The following URGCP variants were observed in gnomAD, a reference collection of about 807,000 sequenced individuals.
URGCP encodes up-regulator of cell proliferation.
A neutral mutation model predicts 24.6 loss-of-function variants in URGCP; 13 were observed. The ratio of observed to expected loss-of-function variants is 0.53; its 90% CI spans 0.34 to 0.84. The LOEUF is 0.84. URGCP is among the 40% of genes least tolerant of loss of function. The pLI, the probability that URGCP is intolerant of heterozygous loss-of-function variation, is 0.01. For missense variants in URGCP, 899 were observed against 1,194.3 expected (o/e 0.75, Z 3.64); for synonymous variants, 444 against 487.2 (o/e 0.91, Z 1.17).
intron 1 of URGCP, among the ~76,000 whole-genome samples, chr7:43,923,612 G>A (rs1016188165): frequency 1.3e-5 from 2 of 151,992 alleles, no homozygotes; most frequent in Admixed American, 1.3e-4. Context: ...TGTGCTTATT[G>A]TCCAGTTGAG....
rs751105526 is a variant in URGCP at position 43,881,632 on chromosome 7, G to A, written c.202+27C>T. The A allele has an allele frequency of 1.9e-6, 3 of 1,614,078 alleles. No individual in the cohort carries two copies. In the South Asian group the frequency reaches 3.3e-5, roughly 18 times the overall value. On this transcript the variant is annotated intron_variant, in intron 5 of 5. Transcript: ENST00000453200. The stretch of plus-strand genomic sequence containing the variant: ...GATGATAACCCCCTTTCATAGAACA[G>A]AGAGAAAAGGCAGAGAAAATGCTTA...
intron 3 of URGCP, among the ~76,000 whole-genome samples, chr7:43,882,458 G>C (rs1338823179): frequency 6.6e-6 from 1 of 151,904 alleles, no homozygotes; most frequent in African/African-American, 2.4e-5. Context: ...AAAAACAAAC[G>C]AACAAACAAA....
chr7:43,887,851 T>A (rs1418984455), intron 1 of URGCP, 35 bp from the exon 2 acceptor site: 2 of 1,380,596 alleles, frequency 1.4e-6, no homozygotes, highest in African/African-American at 1.4e-5. Flanking sequence ...TACAAAGATG[T>A]TGATGCCAGC....
chr7:43,878,938 G>T lies in URGCP; in HGVS notation c.525C>A (p.Pro175=). 1 of 1,614,202 alleles carries T rather than the reference G, an allele frequency of 6.2e-7. No individual in the cohort carries two copies. Among genetic ancestry groups the T allele is most frequent in the Non-Finnish European group, 8.5e-7 (1 of 1,180,040 alleles). ...AGGGGTTCACTGGCGTATCAGGGGT[G>T]GGCAGCTCAGAAAAGGAATAAATGT... ...AADIYSFSEL[P]TPDTPVNPLD... The change falls in exon 6 of 6, where the codon CCC becomes CCA. Residue 175 remains proline (P), a synonymous_variant. Coordinates refer to ENST00000453200, the MANE Select transcript of URGCP (RefSeq NM_001077663.3). The surrounding 1 kb of genome is among the most constrained non-coding windows in gnomAD (Gnocchi z 5.6).
At chr7:43,881,857 C>G (rs2095854368) in intron 4 of URGCP, 50 bp downstream of exon 4, 1 of 1,607,938 alleles carries the variant, frequency 6.2e-7, no homozygotes, top group African/African-American at 1.3e-5. Flanking sequence ...TCACTTTACC[C>G]ACTCCCCCTC....
chr7:43,899,224 T>C (rs1408783730), intron 1 of URGCP, among the ~76,000 whole-genome samples: 4 of 147,480 alleles, frequency 2.7e-5, no homozygotes, highest in African/African-American at 9.8e-5. Context: ...TAAATATTTA[T>C]ATTTATATAT....
chr7:43,908,935 A>G (rs940964188), upstream of URGCP, among the ~76,000 whole-genome samples: 2 of 152,238 alleles, frequency 1.3e-5, no homozygotes, highest in African/African-American at 2.4e-5. Flanking sequence ...TACACTTAAC[A>G]TGAATTTTAG....
intron 1 of URGCP, chr7:43,919,363 AC>A: frequency 1.2e-6 from 1 of 849,040 alleles, no homozygotes; most frequent in Non-Finnish European, 2.1e-6. Flanking sequence ...CACATCCAGA[AC>A]CCATCCTTCT....
chr7:43,895,345 TAAAA>T (rs76696865), intron 1 of URGCP, among the ~76,000 whole-genome samples: 17,727 of 151,806 alleles, frequency 0.12, 1,158 homozygotes, highest in Admixed American at 0.18. Flanking sequence ...ATCAAAATCA[TAAAA>T]AAAGATATGA....
chr7:43,925,487 TG>T (rs1450983808), intron 1 of URGCP, among the ~76,000 whole-genome samples: 2 of 151,886 alleles, frequency 1.3e-5, no homozygotes, highest in Non-Finnish European at 2.9e-5. Flanking sequence ...TATTTTATTC[TG>T]TTTTTTTATT....
intron 1 of URGCP, chr7:43,888,682 G>A (rs2095865862): frequency 6.6e-6 from 1 of 152,208 alleles, no homozygotes; most frequent in African/African-American, 2.4e-5. Context: ...AGGCACTCGT[G>A]TGAACTGTGA....
chr7:43,901,367 G>A (rs1333378306), intron 1 of URGCP, among the ~76,000 whole-genome samples: 1 of 152,176 alleles, frequency 6.6e-6, no homozygotes, highest in Non-Finnish European at 1.5e-5. Context: ...GGTGAGTGAA[G>A]TTTGGAGAGC....
At chr7:43,908,790 T>C (rs1035473301), upstream of URGCP, among the ~76,000 whole-genome samples, 1 of 152,214 alleles carries the variant, frequency 6.6e-6, no homozygotes, top group Admixed American at 6.5e-5. Flanking sequence ...TGTTGGGTGG[T>C]GGGAAATCAT....
intron 3 of URGCP, among the ~76,000 whole-genome samples, chr7:43,883,367 T>A (rs1403168334): frequency 1.0e-4 from 14 of 134,212 alleles, no homozygotes; most frequent in East Asian, 4.1e-4. Context: ...TATATATTTT[T>A]TTTTTTTTTT....
At chr7:43,920,413 A>T (rs945103410) in intron 1 of URGCP, among the ~76,000 whole-genome samples, 2 of 152,098 alleles carry the variant, frequency 1.3e-5, no homozygotes, top group African/African-American at 2.4e-5. Context: ...TACAAAAAAA[A>T]TTAGCTGGGT....
intron 1 of URGCP, among the ~76,000 whole-genome samples, chr7:43,922,349 A>C (rs1297327778): frequency 6.6e-6 from 1 of 152,202 alleles, no homozygotes; most frequent in Non-Finnish European, 1.5e-5. Flanking sequence ...GGTGTGAGCC[A>C]CCATACTTGG....
chr7:43,893,455 A>T (rs938071057), intron 1 of URGCP, among the ~76,000 whole-genome samples: 1 of 152,262 alleles, frequency 6.6e-6, no homozygotes, highest in Non-Finnish European at 1.5e-5. Flanking sequence ...TGGGACATCC[A>T]GGCTACAGTA....
Position 43,878,064 on chromosome 7 carries a change from C to T in URGCP, c.1399G>A (p.Glu467Lys), listed in dbSNP as rs1392178434. Residue 467 changes from glutamate (E) to lysine (K), a missense_variant, in exon 6 of 6, where the codon GAG (glutamate) becomes AAG (lysine). Physicochemically the swap from Glu to Lys is moderately conservative, Grantham distance 56 (BLOSUM62 1). Transcript: ENST00000453200. This position sits in a 1 kb window ranked among gnomAD's most constrained non-coding sequence, Gnocchi z 5.6. Reference sequence around the variant, plus strand: ...CGGTCTTTCGCTTTCTGACACTCCTCACAGTCCTCGTCGACCTTTAGGCCC... The same window carrying T: ...CGGTCTTTCGCTTTCTGACACTCCTTACAGTCCTCGTCGACCTTTAGGCCC... The part of the protein sequence containing the change: ...KLGLKVDEDC[E>K]ECQKAKDRME... The T allele has an allele frequency of 2.5e-6, 4 of 1,614,128 alleles. No homozygotes were observed. Among genetic ancestry groups the T allele is most frequent in the Middle Eastern group, 1.6e-4 (1 of 6,084 alleles).
At chr7:43,917,358 A>C (rs2095916667) in intron 1 of URGCP, among the ~76,000 whole-genome samples, 1 of 152,166 alleles carries the variant, frequency 6.6e-6, no homozygotes, top group Admixed American at 6.6e-5. Flanking sequence ...AAAGAGGGGT[A>C]CCTTGGGATG....
Sources: gnomAD v4.1 joint callset for allele counts (sites outside exome capture counted in the v4.1 genomes callset) on GRCh38, gnomAD v4.1.1 for gene constraint, Gnocchi (gnomAD v3.1) non-coding constraint, MANE v1.5 for transcripts, NCBI Gene and HGNC (gene_info 2026-07-23, HGNC 2026-07-21) for gene names.